Variants in SMAD6 observed in about 807,000 individuals in gnomAD.
The protein encoded by SMAD6 is MAD homolog 6.
Under a neutral mutation model 39.4 loss-of-function variants are expected in SMAD6, and 103 were observed. The ratio of observed to expected loss-of-function variants is 2.62; its 90% confidence interval spans 2.23 to 3.08. The LOEUF is 3.08. Among genes scored for constraint, SMAD6 ranks in the 30% most tolerant of loss-of-function variants. The pLI is 0.00. For missense variants in SMAD6, 1,104 were observed against 742.9 expected (o/e 1.49, Z -5.65); for synonymous variants, 445 against 353.3 (o/e 1.26, Z -2.91).
intron 3 of SMAD6, among the ~76,000 whole-genome samples, chr15:66,757,748 C>T (rs1595791278): frequency 6.6e-6 from 1 of 152,214 alleles, no homozygotes; most frequent in Non-Finnish European, 1.5e-5. Context: ...CCCTGAGCGC[C>T]GCATTCTGCT....
At chr15:66,748,593 G>GCATTTAATTTAATTGCAATTAAACATTT (rs1200036201) in intron 3 of SMAD6, among the ~76,000 whole-genome samples, 20 of 152,268 alleles carry the variant, frequency 1.3e-4, no homozygotes, top group African/African-American at 4.8e-4. Context: ...ACATTTAATT[G>GCATTTAATTTAATTGCAATTAAACATTT]AATTGCATAC....
chr15:66,731,341 G>A (rs1442027440), intron 3 of SMAD6, among the ~76,000 whole-genome samples: 3 of 151,212 alleles, frequency 2.0e-5, no homozygotes, highest in Admixed American at 2.0e-4. Context: ...GGGAGGCTGA[G>A]GCAGGAGAAT....
chr15:66,772,808 A>T (rs1894400283), intron 3 of SMAD6, among the ~76,000 whole-genome samples: 1 of 152,172 alleles, frequency 6.6e-6, no homozygotes, highest in Non-Finnish European at 1.5e-5. Context: ...TCCCTAGTCC[A>T]TTCTTTTAAC....
intron 3 of SMAD6, among the ~76,000 whole-genome samples, chr15:66,737,613 A>C: frequency 6.6e-6 from 1 of 150,392 alleles, no homozygotes; most frequent in African/African-American, 2.5e-5. Context: ...CCCCTTTCCC[A>C]CCACTTCCTC....
intron 3 of SMAD6, among the ~76,000 whole-genome samples, chr15:66,771,618 A>G (rs541829601): frequency 1.3e-5 from 2 of 152,246 alleles, no homozygotes; most frequent in African/African-American, 4.8e-5. Context: ...CAAGAGAGCT[A>G]AGGGAGCATA....
intron 3 of SMAD6, among the ~76,000 whole-genome samples, chr15:66,722,110 G>T (rs895863845): frequency 5.3e-5 from 8 of 152,154 alleles, no homozygotes; most frequent in African/African-American, 1.9e-4. Flanking sequence ...ACCTGGGAAA[G>T]ATTTTTTTAA....
intron 3 of SMAD6, among the ~76,000 whole-genome samples, chr15:66,744,147 G>C (rs1893865682): frequency 6.6e-6 from 1 of 152,148 alleles, no homozygotes; most frequent in Non-Finnish European, 1.5e-5. Context: ...CTGGAGGAGA[G>C]GGCCGGGATC....
chr15:66,733,434 A>G (rs2140627707), intron 3 of SMAD6, among the ~76,000 whole-genome samples: 1 of 152,374 alleles, frequency 6.6e-6, no homozygotes, highest in African/African-American at 2.4e-5. Flanking sequence ...AACATAATAT[A>G]TCTCTCCATA....
At chr15:66,737,555 G>A (rs993785781) in intron 3 of SMAD6, among the ~76,000 whole-genome samples, 6 of 152,178 alleles carry the variant, frequency 3.9e-5, no homozygotes, top group African/African-American at 1.2e-4. Context: ...TTTGTTGGGT[G>A]AGTGGGGTCC....
chr15:66,760,510 T>C (rs185366845), intron 3 of SMAD6, among the ~76,000 whole-genome samples: 40 of 152,364 alleles, frequency 2.6e-4, no homozygotes, highest in Non-Finnish European at 3.7e-4. Flanking sequence ...CGTCAGTGAT[T>C]AGTACTTTAG....
At position 66,781,123 on chromosome 15, in the gene SMAD6, T is replaced by C; in HGVS notation, c.1079T>C (p.Leu360Pro). 4 of 1,608,954 alleles carry C rather than the reference T, an allele frequency of 2.5e-6. No individual in the cohort carries two copies. Among genetic ancestry groups the C allele is most frequent in the Non-Finnish European group, 3.4e-6 (4 of 1,179,732 alleles). ...YDQAVSIFYD[L>P]PQGSGFCLGQ... The stretch of plus-strand genomic sequence containing the variant: ...CAGGCCGTCAGCATCTTCTACGACC[T>C]ACCTCAGGGCAGCGGCTTCTGCCTG... The change falls in exon 4 of 4, where the codon CTA becomes CCA. Residue 360 changes from leucine to proline, a missense_variant. Transcript: ENST00000288840.
intron 3 of SMAD6, among the ~76,000 whole-genome samples, chr15:66,721,796 T>C (rs1893437626): frequency 6.6e-6 from 1 of 152,116 alleles, no homozygotes; most frequent in Non-Finnish European, 1.5e-5. Context: ...GCCCTCAAGG[T>C]ATTCACAGAT....
intron 3 of SMAD6, among the ~76,000 whole-genome samples, chr15:66,732,991 A>G (rs964536857): frequency 6.6e-6 from 1 of 151,952 alleles, no homozygotes; most frequent in African/African-American, 2.4e-5. Flanking sequence ...TTAATTTTTT[A>G]TAAGGTATAA....
Position 66,781,728 on chromosome 15 carries a change from C to A in SMAD6, c.*193C>A. ...ACTTGTAATTATGGAGTCATTTTTACAATGTAATTATTTATGTATGGTGCA... is the reference window on the plus strand; with the variant it reads ...ACTTGTAATTATGGAGTCATTTTTAAAATGTAATTATTTATGTATGGTGCA... On this transcript the variant is annotated 3_prime_UTR_variant, in exon 4 of 4. Coordinates refer to ENST00000288840, the MANE Select transcript of SMAD6 (RefSeq NM_005585.5). 2 of 415,758 alleles carry A rather than the reference C, an allele frequency of 4.8e-6. No individual in the cohort carries two copies. The highest frequency in any genetic ancestry group is 8.4e-6 in the Non-Finnish European group (2 of 237,262). 25.8% of individuals were successfully genotyped at this position (415,758 alleles called of 1,614,324 possible). A position where few individuals can be genotyped will look rare whatever the true frequency, so the allele number is the denominator to read the frequency against.
intron 3 of SMAD6, among the ~76,000 whole-genome samples, chr15:66,778,308 C>T (rs550063686): frequency 6.6e-6 from 1 of 152,252 alleles, no homozygotes; most frequent in South Asian, 2.1e-4. Context: ...GCTTAAACTC[C>T]TGAGCTCAAA....
rs139719094 is a variant in SMAD6 at position 66,716,455 on chromosome 15, G to T, written c.909G>T (p.Thr303=). The T allele has an allele frequency of 6.2e-7, 1 of 1,613,914 alleles. No homozygotes were observed. The highest frequency in any genetic ancestry group is 8.5e-7 in the Non-Finnish European group (1 of 1,179,756). ...LSDSTLSYTE[T]EATNSLITAP... is the part of the protein sequence containing the mutation. ...ATTCCACATTGTCTTACACTGAAAC[G>T]GAGGCTACCAACTCCCTCATCACTG... is the stretch of plus-strand genomic sequence containing the variant. The change falls in exon 3 of 4, where the codon ACG becomes ACT. Residue 303 remains threonine, a synonymous_variant. Coordinates refer to ENST00000288840, the MANE Select transcript of SMAD6 (RefSeq NM_005585.5).
intron 3 of SMAD6, among the ~76,000 whole-genome samples, chr15:66,764,402 T>G (rs1304410935): frequency 6.6e-6 from 1 of 152,052 alleles, no homozygotes; most frequent in African/African-American, 2.4e-5. Flanking sequence ...TAATTTATCT[T>G]GGTGGGATGC....
Position 66,746,698 on chromosome 15 carries a change from T to C in SMAD6, c.952+30200T>C, listed in dbSNP as rs559370776. Among the ~76,000 whole-genome samples the C allele has an allele frequency of 3.3e-5, 5 of 152,310 alleles. No individual in the cohort carries two copies. The East Asian group carries it at 7.7e-4, about 24-fold the overall frequency. ...AAGCTGAGGCCTGGACACTTTTGGC[T>C]GTGGCTGATTTTGTGTCCCTGGTGG... On this transcript the variant is annotated intron_variant, in intron 3 of 3. Transcript: ENST00000288840.
chr15:66,775,271 CT>C (rs1361259033), intron 3 of SMAD6, among the ~76,000 whole-genome samples: 1 of 152,124 alleles, frequency 6.6e-6, no homozygotes, highest in Non-Finnish European at 1.5e-5. Context: ...ATGGGATGCC[CT>C]TCAGATTCAT....
Sources: allele counts gnomAD v4.1 joint callset (sites outside exome capture counted in the v4.1 genomes callset), GRCh38; gene constraint gnomAD v4.1.1; transcripts MANE v1.5; gene names NCBI Gene and HGNC (gene_info 2026-07-23, HGNC 2026-07-21).